Variants in VAMP7 observed in about 807,000 individuals in gnomAD.
The protein encoded by VAMP7 is vesicle associated membrane protein 7.
A neutral mutation model predicts 29.6 loss-of-function variants in VAMP7; 14 were observed. That is an observed-to-expected ratio of 0.47 (90% confidence interval 0.31 to 0.74). VAMP7 has a LOEUF of 0.74. VAMP7 is among the 30% of genes least tolerant of loss of function. VAMP7 has a pLI of 0.05. For missense variants in VAMP7, 223 were observed against 262.4 expected (o/e 0.85, Z 1.04); for synonymous variants, 95 against 88.1 (o/e 1.08, Z -0.44).
rs1365469786 is a variant in VAMP7, at chrX:155,935,740, G to C, written c.502-3961G>C. On this transcript the variant is annotated intron_variant, in intron 6 of 7. Transcript: ENST00000286448. ...TCTGTCTACCTTTGTTCTGTTGCTGGTGAGGAGCTGCGTTCCTTTGGAGGA... is the reference window on the plus strand; with the variant it reads ...TCTGTCTACCTTTGTTCTGTTGCTGCTGAGGAGCTGCGTTCCTTTGGAGGA... Among the ~76,000 whole-genome samples the C allele has an allele frequency of 3.9e-5, 6 of 152,248 alleles. No individual in the cohort carries two copies. The East Asian group carries it at 1.2e-3, about 29-fold the overall frequency.
chrX:155,915,314 C>T (rs1405439714), intron 5 of VAMP7, among the ~76,000 whole-genome samples: 3 of 152,094 alleles, frequency 2.0e-5, no homozygotes, highest in Admixed American at 2.0e-4. Flanking sequence ...AAAAAACCAG[C>T]TCCTGGATTC....
intron 5 of VAMP7, among the ~76,000 whole-genome samples, chrX:155,911,330 A>G (rs1347884585): frequency 6.6e-6 from 1 of 152,120 alleles, no homozygotes; most frequent in Non-Finnish European, 1.5e-5. Context: ...ATACCAAACC[A>G]TGCTGTTTTG....
intron 2 of VAMP7, among the ~76,000 whole-genome samples, chrX:155,890,340 G>A (rs2124236168): frequency 6.6e-6 from 1 of 151,710 alleles, no homozygotes; most frequent in African/African-American, 2.4e-5. Context: ...GTGTGACAGA[G>A]TCAGGTTTGT....
At chrX:155,940,780 TGTATGTGTGA>T (rs2066732767) in intron 7 of VAMP7, among the ~76,000 whole-genome samples, 1 of 152,158 alleles carries the variant, frequency 6.6e-6, no homozygotes, top group South Asian at 2.1e-4. Flanking sequence ...TTGTGGCATG[TGTATGTGTGA>T]GTATGTGTGT....
At chrX:155,935,920 T>A (rs183409460) in intron 6 of VAMP7, among the ~76,000 whole-genome samples, 67 of 152,290 alleles carry the variant, frequency 4.4e-4, no homozygotes, top group African/African-American at 1.6e-3. Context: ...CTTCTAACAG[T>A]CAGGACCCTC....
At chrX:155,894,143 A>G (rs1322486514) in intron 2 of VAMP7, among the ~76,000 whole-genome samples, 4 of 152,128 alleles carry the variant, frequency 2.6e-5, no homozygotes, top group African/African-American at 2.4e-5. Flanking sequence ...ACCAAGTTCT[A>G]TAAATGCTGC....
intron 6 of VAMP7, among the ~76,000 whole-genome samples, chrX:155,937,588 G>A (rs1326790826): frequency 6.6e-6 from 1 of 152,124 alleles, no homozygotes; most frequent in Non-Finnish European, 1.5e-5. Flanking sequence ...TAAAATTAGA[G>A]TAGAAACAAA....
intron 5 of VAMP7, among the ~76,000 whole-genome samples, chrX:155,912,063 A>G (rs1265813272): frequency 1.3e-5 from 2 of 151,936 alleles, no homozygotes; most frequent in African/African-American, 2.4e-5. Flanking sequence ...AGAGTTTTCC[A>G]TTTCTTAGAG....
At chrX:155,900,014 A>G (rs1480681630) in intron 4 of VAMP7, among the ~76,000 whole-genome samples, 9 of 152,074 alleles carry the variant, frequency 5.9e-5, no homozygotes, top group Admixed American at 2.6e-4. Flanking sequence ...TGAGAAGCCA[A>G]TAAAAATAGT....
At chrX:155,924,076 G>A (rs1314396326) in intron 6 of VAMP7, among the ~76,000 whole-genome samples, 1 of 152,078 alleles carries the variant, frequency 6.6e-6, no homozygotes, top group African/African-American at 2.4e-5. Flanking sequence ...TTAGGTGTAG[G>A]TATCTTGCTC....
intron 1 of VAMP7, 69 bp from the exon 2 acceptor site, chrX:155,889,389 A>T (rs1051608052): frequency 5.1e-6 from 8 of 1,559,954 alleles, no homozygotes; most frequent in Non-Finnish European, 7.0e-6. Flanking sequence ...TTGATAAATG[A>T]TAGTAAGTTA....
chrX:155,941,883 G>A lies in VAMP7; in HGVS notation c.595G>A (p.Val199Met), dbSNP rs746803961. 5.0e-6 allele frequency: 8 copies of A among 1,613,500 alleles called. No homozygotes were observed. In the East Asian group the frequency reaches 1.8e-4, roughly 36 times the overall value. ...AAAATTGCTCTCCTCGTCCCTCCAG[G>A]TGTTCATCTATATCATTGTTTCACC... ...LTIIIIIVSI[V>M]FIYIIVSPLC... is the part of the protein sequence containing the mutation. The change falls in exon 8 of 8, where the codon GTG (valine) becomes ATG (methionine). Residue 199 changes from valine (V) to methionine (M), a missense_variant and splice_region_variant. Transcript: ENST00000286448.
rs1487603009 is a variant in VAMP7 at position 155,942,879 on chromosome X, G to C, written c.*928G>C. 6.6e-6 allele frequency: 1 copy of C among 151,868 alleles called. No homozygotes were observed. The allele number at this position is 151,868 out of a possible 1,614,324, so 9.4% of individuals were successfully genotyped here. A position where few individuals can be genotyped will look rare whatever the true frequency, so the allele number is the denominator to read the frequency against. Reference sequence around the variant, plus strand: ...AGTGTGGGAAAAGTGTTTCCATTCTGGGAAAAGCCCAAACCGAATACGGTC... The same window carrying C: ...AGTGTGGGAAAAGTGTTTCCATTCTCGGAAAAGCCCAAACCGAATACGGTC... On this transcript the variant is annotated 3_prime_UTR_variant, in exon 8 of 8. Transcript: ENST00000286448.
intron 6 of VAMP7, among the ~76,000 whole-genome samples, chrX:155,936,597 C>T (rs929021574): frequency 2.6e-5 from 4 of 152,190 alleles, no homozygotes; most frequent in African/African-American, 9.6e-5. Context: ...TGCCATCTGT[C>T]ACAGCTTCCC....
At chrX:155,900,744 G>A (rs2066050347) in intron 5 of VAMP7, among the ~76,000 whole-genome samples, 157 bp downstream of exon 5, 1 of 152,068 alleles carries the variant, frequency 6.6e-6, no homozygotes, top group African/African-American at 2.4e-5. Flanking sequence ...GTCTGCTTGT[G>A]CAAATGGTTT....
At chrX:155,930,105 G>A (rs2066526453) in intron 6 of VAMP7, among the ~76,000 whole-genome samples, 3 of 152,168 alleles carry the variant, frequency 2.0e-5, no homozygotes, top group Admixed American at 2.0e-4. Flanking sequence ...GCATCAGTGT[G>A]TGACAAAATG....
chrX:155,881,809 C>T (rs746157613), intron 1 of VAMP7, among the ~76,000 whole-genome samples: 2 of 152,142 alleles, frequency 1.3e-5, no homozygotes, highest in Non-Finnish European at 2.9e-5. Context: ...GATGACGTCA[C>T]TTTCTGCTTC....
intron 6 of VAMP7, among the ~76,000 whole-genome samples, chrX:155,930,506 T>A (rs866780497): frequency 1.2e-4 from 16 of 133,046 alleles, no homozygotes; most frequent in Middle Eastern, 4.2e-3. Flanking sequence ...AAAAAAAAAA[T>A]AGGTGTGATT....
At chrX:155,934,707 G>T (rs1203715746) in intron 6 of VAMP7, among the ~76,000 whole-genome samples, 1 of 152,088 alleles carries the variant, frequency 6.6e-6, no homozygotes, top group South Asian at 2.1e-4. Flanking sequence ...TACATTTAAG[G>T]TTGATACTGT....
Sources: allele counts gnomAD v4.1 joint callset (sites outside exome capture counted in the v4.1 genomes callset), GRCh38; gene constraint gnomAD v4.1.1; transcripts MANE v1.5; gene names NCBI Gene and HGNC (gene_info 2026-07-23, HGNC 2026-07-21).